The following NPIPB12 variants were observed in gnomAD, a reference collection of about 807,000 sequenced individuals.
NPIPB12 encodes the protein nuclear pore complex interacting protein family member B12.
upstream of NPIPB12, among the ~76,000 whole-genome samples, chr16:29,501,225 A>T (rs1266663385): frequency 5.4e-5 from 4 of 74,674 alleles, 2 homozygotes; most frequent in Admixed American, 2.5e-4. Flanking sequence ...CACGCCTGTA[A>T]TCCCAGCACT....
intron 4 of NPIPB12, among the ~76,000 whole-genome samples, chr16:29,490,433 T>C (rs1965066323): frequency 6.7e-6 from 1 of 148,968 alleles, no homozygotes; most frequent in East Asian, 2.0e-4. Context: ...AACCCGTCTC[T>C]ACTAAAAATA....
upstream of NPIPB12, among the ~76,000 whole-genome samples, chr16:29,501,353 TG>T (rs1195964298): frequency 8.2e-5 from 1 of 12,174 alleles, no homozygotes; most frequent in Non-Finnish European, 1.2e-4. Flanking sequence ...GGTGGGCGCC[TG>T]TAGTCCCACC....
chr16:29,498,567 T>TAGGGGCGGGCGC lies in NPIPB12; in HGVS notation c.75+756_75+757insGCGCCCGCCCCT, dbSNP rs1965172316. The stretch of plus-strand genomic sequence containing the variant: ...AAAAATACAAAAAATTAGCCGGGCG[T>TAGGGGCGGGCGC]AGTGGCGGGCGCCTGTAGTCCCAGC... On this transcript the variant is annotated intron_variant, in intron 1 of 5. Transcript: ENST00000617311. Among the ~76,000 whole-genome samples the TAGGGGCGGGCGC allele has an allele frequency of 1.2e-4, 6 of 49,196 alleles. No individual in the cohort carries two copies. In the Admixed American group the frequency reaches 1.4e-3, roughly 12 times the overall value. 32.3% of individuals were successfully genotyped at this position (49,196 alleles called of 152,430 possible).
intron 1 of NPIPB12, among the ~76,000 whole-genome samples, chr16:29,497,483 C>T (rs1965148160): frequency 2.2e-5 from 1 of 45,730 alleles, no homozygotes. Context: ...CACTGCACTT[C>T]AGCCTGGGTG....
At chr16:29,498,256 C>G (rs1965161932) in intron 1 of NPIPB12, among the ~76,000 whole-genome samples, 1 of 148,984 alleles carries the variant, frequency 6.7e-6, no homozygotes, top group African/African-American at 2.4e-5. Flanking sequence ...GCTGATATTG[C>G]CCCATTGCAC....
chr16:29,490,498 G>T (rs1334153662), intron 4 of NPIPB12, among the ~76,000 whole-genome samples: 2 of 149,536 alleles, frequency 1.3e-5, no homozygotes, highest in Non-Finnish European at 3.0e-5. Flanking sequence ...ACATTGGGAG[G>T]CCGAGGTGTG....
intron 1 of NPIPB12, among the ~76,000 whole-genome samples, chr16:29,497,204 A>G (rs372829651): frequency 2.2e-5 from 2 of 89,456 alleles, no homozygotes; most frequent in Admixed American, 1.2e-4. Context: ...AATAAGTATC[A>G]AATTTTAGTG....
chr16:29,497,096 T>TAATAATCCCTCTAAATAATA lies in NPIPB12; in HGVS notation c.76-1490_76-1489insTATTATTTAGAGGGATTATT, dbSNP rs1366709806. On this transcript the variant is annotated intron_variant, in intron 1 of 5. Coordinates refer to ENST00000617311, the Ensembl canonical transcript of NPIPB12. ...CACATGGTAAAAGAATCCCTCTAAATAATACTTCTCTCTTGGATTATATGA... is the reference window on the plus strand; with the variant it reads ...CACATGGTAAAAGAATCCCTCTAAATAATAATCCCTCTAAATAATAAATACTTCTCTCTTGGATTATATGA... Among the ~76,000 whole-genome samples, 10 of 75,384 alleles carry TAATAATCCCTCTAAATAATA rather than the reference T, an allele frequency of 1.3e-4. 2 individuals are homozygous for TAATAATCCCTCTAAATAATA. The East Asian group carries it at 8.0e-3, about 60-fold the overall frequency. 49.5% of individuals were successfully genotyped at this position (75,384 alleles called of 152,430 possible).
chr16:29,500,992 C>G (rs1285880438), upstream of NPIPB12, among the ~76,000 whole-genome samples: 2 of 4,458 alleles, frequency 4.5e-4, no homozygotes, highest in African/African-American at 3.4e-3. Flanking sequence ...TTCCCACAGG[C>G]CTTCTGCCCG....
At chr16:29,490,904 T>TAAAAA (rs1156982100) in intron 4 of NPIPB12, among the ~76,000 whole-genome samples, 1 of 56,694 alleles carries the variant, frequency 1.8e-5, no homozygotes, top group Non-Finnish European at 3.2e-5. Context: ...ATCTCAAAAT[T>TAAAAA]AAAAAAAAAA....
At chr16:29,501,932 TG>T (rs1965199411), upstream of NPIPB12, among the ~76,000 whole-genome samples, 1 of 18,000 alleles carries the variant, frequency 5.6e-5, no homozygotes, top group African/African-American at 1.7e-4. Flanking sequence ...ACCAAGTAAG[TG>T]GGGGTTGAAG....
intron 2 of NPIPB12, among the ~76,000 whole-genome samples, chr16:29,495,189 T>C (rs1446824942): frequency 6.9e-6 from 1 of 145,714 alleles, no homozygotes; most frequent in Admixed American, 7.0e-5. Context: ...GAATTTCCTA[T>C]TTAAGTGACG....
chr16:29,498,344 G>A (rs1965166830), intron 1 of NPIPB12, among the ~76,000 whole-genome samples: 1 of 146,816 alleles, frequency 6.8e-6, no homozygotes, highest in African/African-American at 2.5e-5. Flanking sequence ...ATAAAATAAT[G>A]TAGATCTTGA....
chr16:29,485,632 GATTATCATCC>G (rs1965046253), downstream of NPIPB12: 1 of 368,630 alleles, frequency 2.7e-6, no homozygotes. Flanking sequence ...GGTGTCTTGA[GATTATCATCC>G]GCTGAGGGTG....
chr16:29,490,481 T>G (rs1157213373), intron 4 of NPIPB12, among the ~76,000 whole-genome samples: 9 of 149,358 alleles, frequency 6.0e-5, no homozygotes, highest in African/African-American at 2.2e-4. Flanking sequence ...ACGCCTGTAA[T>G]CCCAGCACAT....
intron 4 of NPIPB12, among the ~76,000 whole-genome samples, chr16:29,490,904 TAAAAAA>T (rs1156982100): frequency 5.3e-5 from 3 of 56,698 alleles, no homozygotes; most frequent in Non-Finnish European, 9.5e-5. Flanking sequence ...ATCTCAAAAT[TAAAAAA>T]AAAAAAAAAA....
chr16:29,497,386 T>C (rs374135260), intron 1 of NPIPB12, among the ~76,000 whole-genome samples: 1 of 41,456 alleles, frequency 2.4e-5, no homozygotes, highest in Non-Finnish European at 4.0e-5. Context: ...TGGTGGCACG[T>C]GCCTATAGTT....
intron 2 of NPIPB12, among the ~76,000 whole-genome samples, chr16:29,504,516 G>GTA (rs1965213927): frequency 4.2e-5 from 1 of 23,868 alleles, no homozygotes; most frequent in Non-Finnish European, 9.0e-5. Flanking sequence ...AAAAATATAT[G>GTA]TGTGTGTGTG....
intron 4 of NPIPB12, among the ~76,000 whole-genome samples, chr16:29,490,755 G>T: frequency 2.8e-5 from 1 of 35,320 alleles, no homozygotes; most frequent in East Asian, 7.6e-4. Context: ...AAAAAAAATT[G>T]GTCAAATGTG....
Sources: allele counts gnomAD v4.1 joint callset (sites outside exome capture counted in the v4.1 genomes callset), GRCh38; gene constraint gnomAD v4.1.1; transcripts MANE v1.5; gene names NCBI Gene and HGNC (gene_info 2026-07-23, HGNC 2026-07-21).